WDR18: variants seen among roughly 807,000 people sequenced by gnomAD.
WDR18 encodes the protein WD repeat domain 18.
In WDR18, 33 loss-of-function variants were observed where a neutral mutation model predicts 49.6. The ratio of observed to expected loss-of-function variants is 0.67; its 90% CI spans 0.50 to 0.89. The LOEUF is 0.89. Among genes scored for constraint, WDR18 ranks in the 40% least tolerant of loss-of-function variants. The pLI is 0.00. For synonymous variants in WDR18, 315 were observed against 263.6 expected (o/e 1.19, Z -1.89); for missense variants, 653 against 593.6 (o/e 1.10, Z -1.04).
chr19:993,717 C>T (rs1357582258), intron 8 of WDR18, among the ~76,000 whole-genome samples: 1 of 84,806 alleles, frequency 1.2e-5, no homozygotes, highest in Non-Finnish European at 3.1e-5. Context: ...CGGGTCCTTC[C>T]AGGTCTGGCC....
At chr19:987,842 T>G (rs986352491) in intron 2 of WDR18, among the ~76,000 whole-genome samples, 2 of 142,562 alleles carry the variant, frequency 1.4e-5, no homozygotes, top group Admixed American at 1.4e-4. Flanking sequence ...TTTTTTTTTT[T>G]TTTTTTTTTT....
chr19:984,581 C>G lies in WDR18; in HGVS notation c.210+18C>G, dbSNP rs748659004. The G allele has an allele frequency of 2.7e-5, 39 of 1,443,744 alleles. No homozygotes were observed. Among genetic ancestry groups the G allele is most frequent in the Middle Eastern group, 2.0e-4 (1 of 4,988 alleles). 89.4% of individuals were successfully genotyped at this position (1,443,744 alleles called of 1,614,324 possible). On this transcript the variant is annotated intron_variant, in intron 1 of 9. Transcript: ENST00000585809. ...AGCGGAAGGTGCGGCGGTGCGGTCT[C>G]GCTGCTGGGGTCATGGGGCGCCCGA...
chr19:984,669 G>T, intron 1 of WDR18, 106 bp downstream of exon 1: 1 of 1,186,874 alleles, frequency 8.4e-7, no homozygotes. Context: ...TTGGCGTGGG[G>T]AGGGGAGGTG....
chr19:991,520 T>G (rs1277843583), intron 7 of WDR18, among the ~76,000 whole-genome samples, 169 bp downstream of exon 7: 10 of 15,994 alleles, frequency 6.3e-4, no homozygotes, highest in African/African-American at 1.8e-3. Flanking sequence ...GGACTGGCTG[T>G]GGGGCGTGGG....
rs756049306 is a variant in WDR18 at position 991,970 on chromosome 19, C to T, written c.947C>T (p.Ala316Val). 34 of 1,591,546 alleles carry T rather than the reference C, an allele frequency of 2.1e-5. No individual in the cohort carries two copies. In the East Asian group the frequency reaches 6.4e-4, roughly 30 times the overall value. Residue 316 changes from alanine to valine, a missense_variant, in exon 8 of 10, where the codon GCC becomes GTC. By Grantham distance (64) the Ala-to-Val change is moderately conservative (BLOSUM62 0). Transcript: ENST00000585809. ...TVALKGPVTN[A>V]AILLAPVSML... ...CGCCCCCCAGGCCCAGTCACCAATG[C>T]CGCCATCCTGCTGGCGCCCGTCAGC...
rs551842568 is a variant in WDR18, at chr19:992,408, CAGTT to C, written c.1098+290_1098+293del. ...TTCCTGCGGCTGGATATCTGACAGT[CAGTT>C]AGGTCTTTCTGCAAAAGGCCGATGC... On this transcript the variant is annotated intron_variant, in intron 8 of 9. Transcript: ENST00000585809. 1.3e-4 allele frequency among the ~76,000 whole-genome samples: 20 copies of C among 152,362 alleles called. No homozygotes were observed. In the South Asian group the frequency reaches 3.1e-3, roughly 24 times the overall value.
chr19:990,940 AT>A lies in WDR18; in HGVS notation c.687del (p.His229GlnfsTer44). ...GTGACCATGGACCTGGCTGAGCACC[AT>A]ATGTTCTGCGGGGGCAGTGAGGGCT... Reference protein sequence around the residue: ...MAVTMDLAEHHMFCGGSEGSI... With the variant: ...MAVTMDLAEHXMFCGGSEGSI... On this transcript the variant is annotated frameshift_variant, in exon 5 of 10. Coordinates refer to ENST00000585809, the MANE Select transcript of WDR18 (RefSeq NM_024100.4). LOFTEE classifies it high-confidence loss of function. The A allele has an allele frequency of 6.2e-7, 1 of 1,612,684 alleles. No homozygotes were observed.
intron 8 of WDR18, among the ~76,000 whole-genome samples, chr19:993,382 G>A (rs964702340): frequency 3.3e-5 from 5 of 152,212 alleles, no homozygotes; most frequent in African/African-American, 1.2e-4. Flanking sequence ...ATGCCCTCCG[G>A]TAATGCCGCC....
intron 9 of WDR18, 55 bp from the exon 10 acceptor site, chr19:994,158 C>T: frequency 2.1e-5 from 33 of 1,553,008 alleles, no homozygotes; most frequent in South Asian, 1.3e-4. Flanking sequence ...GTGAGTGGCC[C>T]CCCTCCAGCA....
intron 2 of WDR18, among the ~76,000 whole-genome samples, chr19:987,852 T>C (rs1423743566): frequency 2.3e-5 from 3 of 128,304 alleles, no homozygotes; most frequent in South Asian, 4.9e-4. Flanking sequence ...TTTTTTTTTT[T>C]CAGATGAAGT....
Position 985,992 on chromosome 19 carries a change from G to A in WDR18, c.321+17G>A, listed in dbSNP as rs374775250. 1.4e-5 allele frequency: 22 copies of A among 1,610,656 alleles called. No homozygotes were observed. Among genetic ancestry groups the A allele is most frequent in the East Asian group, 2.2e-5 (1 of 44,866 alleles). ...CTGTGGGAGGTAAGAGGAGCAAAGC[G>A]TGAGCGTTTCCCACAGGACATCTCA... On this transcript the variant is annotated intron_variant, in intron 2 of 9. Transcript: ENST00000585809.
At chr19:988,030 A>G (rs2038495036) in intron 2 of WDR18, among the ~76,000 whole-genome samples, 1 of 151,686 alleles carries the variant, frequency 6.6e-6, no homozygotes, top group Non-Finnish European at 1.5e-5. Flanking sequence ...GAGTTTTGCC[A>G]GGTTGGCCAG....
chr19:987,881 C>T (rs1229610679), intron 2 of WDR18, among the ~76,000 whole-genome samples: 1 of 139,496 alleles, frequency 7.2e-6, no homozygotes, highest in African/African-American at 2.8e-5. Context: ...GTTGCCCGGG[C>T]TGGAGTGCAG....
At chr19:988,316 T>C (rs1389160960) in intron 2 of WDR18, among the ~76,000 whole-genome samples, 2 of 152,152 alleles carry the variant, frequency 1.3e-5, no homozygotes, top group South Asian at 2.1e-4. Flanking sequence ...GAGCCAGGGC[T>C]GTGGGGCGGG....
rs71174337 is a variant in WDR18, at chr19:987,829, G to GTTTTTTTTTTTTTTTTTTTTT, written c.321+1857_321+1877dup. Among the ~76,000 whole-genome samples the GTTTTTTTTTTTTTTTTTTTTT allele has an allele frequency of 4.8e-4, 44 of 91,798 alleles. 6 individuals carry two copies. The highest frequency in any genetic ancestry group is 1.6e-3 in the African/African-American group (30 of 18,928). 60.2% of individuals were successfully genotyped at this position (91,798 alleles called of 152,430 possible). A position where few individuals can be genotyped will look rare whatever the true frequency, so the allele number is the denominator to read the frequency against. On this transcript the variant is annotated intron_variant, in intron 2 of 9. Coordinates refer to ENST00000585809, the MANE Select transcript of WDR18 (RefSeq NM_024100.4). ...ACCCCTGCTCCCCTAGCCGCCTCCA[G>GTTTTTTTTTTTTTTTTTTTTT]TTTTTTTTTTTTTTTTTTTTTTTCA... is the stretch of plus-strand genomic sequence containing the variant.
chr19:985,725 C>A, intron 1 of WDR18, 140 bp from the exon 2 acceptor site: 1 of 714,402 alleles, frequency 1.4e-6, no homozygotes, highest in Non-Finnish European at 2.4e-6. Context: ...CATGCATTTG[C>A]TCAAACCACC....
chr19:984,427 T>C lies in WDR18; in HGVS notation c.74T>C (p.Leu25Pro). ...ATGTGGAGCTGCATCGTGTGGGAAC[T>C]TCACTCGGGCGCCAACCTGCTCACC... Reference protein sequence around the residue: ...APMWSCIVWELHSGANLLTYR... With the variant: ...APMWSCIVWEPHSGANLLTYR... The change falls in exon 1 of 10, where the codon CTT becomes CCT. Residue 25 changes from leucine to proline, a missense_variant. Leu to Pro is a moderately conservative substitution (Grantham distance 98). Transcript: ENST00000585809. 6.2e-7 allele frequency: 1 copy of C among 1,603,378 alleles called. No homozygotes were observed. Among genetic ancestry groups the C allele is most frequent in the Non-Finnish European group, 8.5e-7 (1 of 1,176,240 alleles).
At chr19:983,974 A>G (rs1464196138), upstream of WDR18, among the ~76,000 whole-genome samples, 2 of 152,228 alleles carry the variant, frequency 1.3e-5, no homozygotes, top group African/African-American at 2.4e-5. Flanking sequence ...GCAATGTGTC[A>G]TTTAGGCCTG....
At chr19:993,628 G>C (rs947180170) in intron 8 of WDR18, among the ~76,000 whole-genome samples, 3 of 152,240 alleles carry the variant, frequency 2.0e-5, no homozygotes, top group African/African-American at 7.2e-5. Context: ...GGCCGGCCAG[G>C]CTCTCCCCAT....
Sources: gnomAD v4.1 joint callset for allele counts (sites outside exome capture counted in the v4.1 genomes callset) on GRCh38, gnomAD v4.1.1 for gene constraint, MANE v1.5 for transcripts, NCBI Gene and HGNC (gene_info 2026-07-23, HGNC 2026-07-21) for gene names.